RYR2: variants seen among roughly 807,000 people sequenced by gnomAD.
RYR2 encodes cardiac muscle ryanodine receptor-calcium release channel.
Under a neutral mutation model 601.1 loss-of-function variants are expected in RYR2, and 227 were observed. That is an observed-to-expected ratio of 0.38 (90% CI 0.34 to 0.42). The LOEUF is 0.42. Ranked by LOEUF, RYR2 falls within the 10% of genes least tolerant of loss-of-function variation. The pLI, the probability that RYR2 is intolerant of heterozygous loss-of-function variation, is 1.00. For synonymous variants in RYR2, 2,223 were observed against 2,175.1 expected, an observed-to-expected ratio of 1.02 and a Z score of -0.61; for missense variants, 4,646 against 6,156.5, an observed-to-expected ratio of 0.75 and a Z score of 8.21.
intron 14 of RYR2, among the ~76,000 whole-genome samples, chr1:237,452,105 G>GTGTGTGTGTGTGTGTGTGTGTT (rs1658234786): frequency 1.6e-5 from 1 of 64,294 alleles, no homozygotes; most frequent in East Asian, 1.0e-3. Context: ...GTGTGTGTGT[G>GTGTGTGTGTGTGTGTGTGTGTT]TATGTGTGTG....
intron 1 of RYR2, among the ~76,000 whole-genome samples, chr1:237,132,192 C>A (rs1369639345): frequency 1.3e-5 from 2 of 152,200 alleles, no homozygotes; most frequent in Admixed American, 6.5e-5. Context: ...GGAAACTATT[C>A]ACTATGTAAT....
At chr1:237,301,449 A>G (rs1445384711) in intron 2 of RYR2, among the ~76,000 whole-genome samples, 2 of 152,198 alleles carry the variant, frequency 1.3e-5, no homozygotes, top group Non-Finnish European at 2.9e-5. Flanking sequence ...CAGTCACTGT[A>G]GGAAAGTGTT....
At chr1:237,807,783 C>T (rs960183047) in intron 99 of RYR2, among the ~76,000 whole-genome samples, 5 of 152,092 alleles carry the variant, frequency 3.3e-5, no homozygotes, top group Non-Finnish European at 5.9e-5. Flanking sequence ...ATGTTTTCTC[C>T]AGATAATTAT....
chr1:237,256,232 G>T (rs1243255571), intron 1 of RYR2, among the ~76,000 whole-genome samples: 1 of 152,152 alleles, frequency 6.6e-6, no homozygotes, highest in African/African-American at 2.4e-5. Flanking sequence ...CGCCGTGTAA[G>T]ATGTGCCTTT....
At chr1:237,684,071 G>A (rs1179632995) in intron 62 of RYR2, among the ~76,000 whole-genome samples, 1 of 151,764 alleles carries the variant, frequency 6.6e-6, no homozygotes, top group South Asian at 2.1e-4. Context: ...GGGATTACAG[G>A]CACCCACCAC....
intron 2 of RYR2, among the ~76,000 whole-genome samples, chr1:237,285,443 T>C (rs1485911673): frequency 2.6e-5 from 4 of 152,190 alleles, no homozygotes; most frequent in African/African-American, 7.2e-5. Flanking sequence ...TTGTTGAGGA[T>C]TTTAGCATCT....
intron 19 of RYR2, among the ~76,000 whole-genome samples, chr1:237,496,058 G>A (rs954898954): frequency 6.6e-6 from 1 of 152,112 alleles, no homozygotes; most frequent in African/African-American, 2.4e-5. Context: ...TAGTAATTAA[G>A]GAAATATATA....
At chr1:237,119,749 T>C (rs868230556) in intron 1 of RYR2, among the ~76,000 whole-genome samples, 77 of 152,318 alleles carry the variant, frequency 5.1e-4, no homozygotes, top group African/African-American at 1.8e-3. Flanking sequence ...TGCCTTTCGG[T>C]GCCAGGGAGA....
chr1:237,212,224 C>T (rs1682661921), intron 1 of RYR2, among the ~76,000 whole-genome samples: 1 of 152,056 alleles, frequency 6.6e-6, no homozygotes, highest in South Asian at 2.1e-4. Context: ...TGCTTATTTT[C>T]TCAATCCTAT....
At chr1:237,223,415 A>C (rs1210513491) in intron 1 of RYR2, among the ~76,000 whole-genome samples, 1 of 152,188 alleles carries the variant, frequency 6.6e-6, no homozygotes, top group African/African-American at 2.4e-5. Flanking sequence ...CACATTGTAA[A>C]ATACATGAAT....
chr1:237,043,693 C>G, intron 1 of RYR2, among the ~76,000 whole-genome samples: 1 of 152,144 alleles, frequency 6.6e-6, no homozygotes, highest in East Asian at 1.9e-4. Context: ...CCAGACTTCC[C>G]CAACCTAGAA....
At chr1:237,444,980 G>T (rs1333862579) in intron 13 of RYR2, among the ~76,000 whole-genome samples, 5 of 152,112 alleles carry the variant, frequency 3.3e-5, no homozygotes, top group Admixed American at 1.3e-4. Flanking sequence ...AGGATCAGTC[G>T]TTCAATGTAG....
At chr1:237,609,142 C>T (rs1373831948) in intron 35 of RYR2, among the ~76,000 whole-genome samples, 1 of 126,286 alleles carries the variant, frequency 7.9e-6, no homozygotes, top group Non-Finnish European at 1.8e-5. Context: ...CAACCTCTCT[C>T]TCTCTCTTTT....
chr1:237,506,888 C>T, intron 23 of RYR2, 74 bp downstream of exon 23: 1 of 1,210,054 alleles, frequency 8.3e-7, no homozygotes. Context: ...TCTGCCTTTT[C>T]CCGCTATGGG....
chr1:237,769,413 T>TAAC (rs1421197350), intron 84 of RYR2, among the ~76,000 whole-genome samples: 1 of 152,204 alleles, frequency 6.6e-6, no homozygotes, highest in Non-Finnish European at 1.5e-5. Context: ...AATGTGCCTA[T>TAAC]AACACTTAAA....
intron 1 of RYR2, among the ~76,000 whole-genome samples, chr1:237,247,358 C>T (rs936340842): frequency 3.9e-5 from 6 of 152,162 alleles, no homozygotes; most frequent in East Asian, 1.9e-4. Flanking sequence ...CACAGACTTT[C>T]GTAGAGTGCC....
Position 237,783,900 on chromosome 1 carries a change from C to T in RYR2, c.12188C>T (p.Thr4063Met), listed in dbSNP as rs1214925323. ...ESHKHYTQSE[T>M]EFLLSCAETD... ...CATAAGCACTACACGCAGTCAGAAA[C>T]GGAATTTCTTTTGTCTTGTGCGGAG... Residue 4063 changes from threonine (T) to methionine (M), a missense_variant, in exon 90 of 105, where the codon ACG becomes ATG. Physicochemically the swap from Thr to Met is moderately conservative, Grantham distance 81. Around this residue, in one of 17 missense-constraint regions of RYR2, gnomAD observed 66 missense variants for 80.7 expected, o/e 0.82. Coordinates refer to ENST00000366574, the MANE Select transcript of RYR2 (RefSeq NM_001035.3). The T allele has an allele frequency of 6.2e-7, 1 of 1,613,596 alleles. No individual in the cohort carries two copies. Among genetic ancestry groups the T allele is most frequent in the Non-Finnish European group, 8.5e-7 (1 of 1,179,732 alleles).
intron 44 of RYR2, 90 bp from the exon 45 acceptor site, chr1:237,638,267 C>A: frequency 6.4e-7 from 1 of 1,555,018 alleles, no homozygotes; most frequent in Non-Finnish European, 8.7e-7. Context: ...TTAAAAGCAT[C>A]CTTTAAGGAT....
At chr1:237,089,102 C>G (rs1170733767) in intron 1 of RYR2, among the ~76,000 whole-genome samples, 1 of 152,202 alleles carries the variant, frequency 6.6e-6, no homozygotes, top group East Asian at 1.9e-4. Flanking sequence ...CTGAGTCTCA[C>G]CTTTTAAAAA....
Sources: gnomAD v4.1 joint callset for allele counts (sites outside exome capture counted in the v4.1 genomes callset) on GRCh38, gnomAD v4.1.1 for gene constraint, gnomAD v4.1.1 regional missense constraint, MANE v1.5 for transcripts, NCBI Gene and HGNC (gene_info 2026-07-23, HGNC 2026-07-21) for gene names.